AP1B1: variants seen among roughly 807,000 people sequenced by gnomAD.
AP1B1 encodes the protein AP-1 complex subunit beta-1.
In AP1B1, 36 loss-of-function variants were observed where a neutral mutation model predicts 104.3. The observed-to-expected ratio is 0.35, with a 90% CI of 0.26 to 0.46. AP1B1 has a LOEUF of 0.46. Among genes scored for constraint, AP1B1 ranks in the 20% least tolerant of loss-of-function variants. AP1B1 has a pLI of 1.00. For missense variants in AP1B1, 901 were observed against 1,247.9 expected (o/e 0.72, Z 4.19); for synonymous variants, 504 against 517.5 (o/e 0.97, Z 0.35).
chr22:29,339,049 G>C lies in AP1B1; in HGVS notation c.2104C>G (p.Leu702Val). ...CCCACGCCACTGGTCAGGTCAAAGAGGTCACTCAGGCCACTGCCGATGGGT... is the reference window on the plus strand; with the variant it reads ...CCCACGCCACTGGTCAGGTCAAAGACGTCACTCAGGCCACTGCCGATGGGT... ...GAPIGSGLSD[L>V]FDLTSGVGTL... Residue 702 changes from leucine to valine, a missense_variant, in exon 16 of 23, where the codon CTC (leucine) becomes GTC (valine). Transcript: ENST00000357586. 1 of 1,614,208 alleles carries C rather than the reference G, an allele frequency of 6.2e-7. No individual in the cohort carries two copies. Among genetic ancestry groups the C allele is most frequent in the Non-Finnish European group, 8.5e-7 (1 of 1,180,044 alleles).
chr22:29,349,335 A>G lies in AP1B1; in HGVS notation c.1320T>C (p.Asp440=). 6.2e-7 allele frequency: 1 copy of G among 1,614,112 alleles called. No homozygotes were observed. Among genetic ancestry groups the G allele is most frequent in the Non-Finnish European group, 8.5e-7 (1 of 1,180,028 alleles). Residue 440 remains aspartate (D), a synonymous_variant, in exon 11 of 23, where the codon GAT becomes GAC. Transcript: ENST00000357586. ...TCATGGCAGCCCGGGCCTCAGGCTC[A>G]TCCAGGGAGTCCAGATTCTCACACA... ...ATLCENLDSL[D]EPEARAAMIW...
At chr22:29,343,346 A>G (rs772551445) in intron 11 of AP1B1, among the ~76,000 whole-genome samples, 2 of 152,222 alleles carry the variant, frequency 1.3e-5, no homozygotes, top group Non-Finnish European at 2.9e-5. Context: ...TGCTGACGGC[A>G]TCTCTGGCAC....
intron 11 of AP1B1, among the ~76,000 whole-genome samples, chr22:29,346,043 C>G (rs1377446528): frequency 6.6e-6 from 1 of 151,942 alleles, no homozygotes; most frequent in African/African-American, 2.4e-5. Context: ...GCAAAGTGAA[C>G]AGGCTACTGA....
At chr22:29,335,609 G>A (rs918276939) in intron 16 of AP1B1, among the ~76,000 whole-genome samples, 1 of 152,152 alleles carries the variant, frequency 6.6e-6, no homozygotes, top group Admixed American at 6.5e-5. Flanking sequence ...TTCCACAGCA[G>A]CTGATGTTAT....
chr22:29,373,507 C>T (rs1244340944), intron 1 of AP1B1, among the ~76,000 whole-genome samples: 2 of 152,008 alleles, frequency 1.3e-5, no homozygotes, highest in East Asian at 3.9e-4. Flanking sequence ...TGAAAGTGGG[C>T]ATGAAGGGCC....
intron 18 of AP1B1, 69 bp from the exon 19 acceptor site, chr22:29,331,602 T>C: frequency 6.3e-7 from 1 of 1,593,714 alleles, no homozygotes. Context: ...AGGAAGAGTG[T>C]CACTGAGCAG....
Position 29,330,606 on chromosome 22 carries a change from G to A in AP1B1, c.2611+17C>T, listed in dbSNP as rs777092015. The A allele has an allele frequency of 5.6e-6, 9 of 1,613,644 alleles. No homozygotes were observed. The highest frequency in any genetic ancestry group is 6.8e-6 in the Non-Finnish European group (8 of 1,179,944). On this transcript the variant is annotated intron_variant, in intron 20 of 22. Coordinates refer to ENST00000357586, the MANE Select transcript of AP1B1 (RefSeq NM_001127.4). ...GGTACAGGCGAGGGGCTGGGGTCGG[G>A]GGCTCGGAGTCCTCACCTGCATTGA...
At chr22:29,329,249 G>A (rs985950228) in intron 22 of AP1B1, 5 of 1,166,738 alleles carry the variant, frequency 4.3e-6, no homozygotes, top group Non-Finnish European at 4.3e-6. Flanking sequence ...CCTCAGGACT[G>A]AAGCCTGACA....
chr22:29,385,567 C>G (rs939947822), intron 1 of AP1B1, among the ~76,000 whole-genome samples: 4 of 152,088 alleles, frequency 2.6e-5, no homozygotes, highest in Admixed American at 2.6e-4. Context: ...CAACTAGGAG[C>G]CACTGATGAA....
intron 1 of AP1B1, among the ~76,000 whole-genome samples, chr22:29,367,662 T>C (rs1277035836): frequency 6.6e-6 from 1 of 151,998 alleles, no homozygotes; most frequent in African/African-American, 2.4e-5. Flanking sequence ...TGCACAAGGA[T>C]GGATGGGCTT....
chr22:29,387,097 T>C (rs2062536967), intron 1 of AP1B1, among the ~76,000 whole-genome samples: 1 of 152,228 alleles, frequency 6.6e-6, no homozygotes. Flanking sequence ...CAAATAGTTT[T>C]CACGGATAGC....
chr22:29,331,334 G>A (rs536894837), intron 19 of AP1B1, 115 bp downstream of exon 19: 121 of 1,047,736 alleles, frequency 1.2e-4, no homozygotes, highest in Non-Finnish European at 1.5e-4. Flanking sequence ...GCAACTCCCC[G>A]ACTCCATTTA....
intron 2 of AP1B1, among the ~76,000 whole-genome samples, chr22:29,365,455 G>A (rs1172439739): frequency 1.3e-5 from 2 of 152,000 alleles, no homozygotes; most frequent in African/African-American, 4.8e-5. Flanking sequence ...TCTTCCCATT[G>A]CACTCCAGCC....
At chr22:29,329,876 G>A (rs770039679) in intron 21 of AP1B1, 156 bp from the exon 22 acceptor site, 6 of 1,473,082 alleles carry the variant, frequency 4.1e-6, no homozygotes, top group Non-Finnish European at 5.4e-6. Flanking sequence ...GCCTGCCAGA[G>A]ACTCAGGGGT....
Position 29,357,476 on chromosome 22 carries a change from C to T in AP1B1, c.526-860G>A, listed in dbSNP as rs1444795467. On this transcript the variant is annotated intron_variant, in intron 5 of 22. Transcript: ENST00000357586. ...TGCCTCCTGGGCTCAAGCAATCCTCCTGCCTCAGCCTCCCAGGTAGCTGAG... is the reference window on the plus strand; with the variant it reads ...TGCCTCCTGGGCTCAAGCAATCCTCTTGCCTCAGCCTCCCAGGTAGCTGAG... Among the ~76,000 whole-genome samples, 3 of 152,114 alleles carry T rather than the reference C, an allele frequency of 2.0e-5. No individual in the cohort carries two copies. In the South Asian group the frequency reaches 6.2e-4, roughly 31 times the overall value.
intron 1 of AP1B1, among the ~76,000 whole-genome samples, chr22:29,377,195 C>CA (rs34466410): frequency 0.047 from 3,024 of 64,304 alleles, 62 homozygotes; most frequent in African/African-American, 0.059. Flanking sequence ...GACCCTGTCT[C>CA]AAAAAAAAAA....
At chr22:29,360,053 T>C (rs1485799683) in intron 3 of AP1B1, 94 bp from the exon 4 acceptor site, 5 of 1,416,396 alleles carry the variant, frequency 3.5e-6, no homozygotes, top group Non-Finnish European at 4.8e-6. Flanking sequence ...GGACAGTGGG[T>C]AGGAGAGAAA....
intron 1 of AP1B1, among the ~76,000 whole-genome samples, chr22:29,380,279 C>T (rs1569167655): frequency 6.6e-6 from 1 of 152,186 alleles, no homozygotes; most frequent in African/African-American, 2.4e-5. Flanking sequence ...CCTTCTCCTT[C>T]AACACTGTGT....
chr22:29,385,767 C>T (rs572830810), intron 1 of AP1B1, among the ~76,000 whole-genome samples: 27 of 152,334 alleles, frequency 1.8e-4, no homozygotes, highest in Middle Eastern at 3.4e-3. Context: ...GCACAGATGT[C>T]ACCTCAACCT....
Sources: allele counts gnomAD v4.1 joint callset (sites outside exome capture counted in the v4.1 genomes callset), GRCh38; gene constraint gnomAD v4.1.1; transcripts MANE v1.5; gene names NCBI Gene and HGNC (gene_info 2026-07-23, HGNC 2026-07-21).